PRKAA2: variants seen among roughly 807,000 people sequenced by gnomAD.
PRKAA2 encodes the protein protein kinase AMP-activated catalytic subunit alpha 2.
PRKAA2 carries 40 observed loss-of-function variants against 56.3 expected under a neutral mutation model. The ratio of observed to expected loss-of-function variants is 0.71; its 90% CI spans 0.55 to 0.92. PRKAA2 has a LOEUF of 0.92. Ranked by LOEUF, PRKAA2 falls within the 40% of genes least tolerant of loss-of-function variation. The pLI is 0.00. For missense variants in PRKAA2, 542 were observed against 686.9 expected (o/e 0.79, Z 2.36); for synonymous variants, 214 against 234.2 (o/e 0.91, Z 0.79).
chr1:56,699,013 T>C (rs1209954822), intron 6 of PRKAA2, among the ~76,000 whole-genome samples: 3 of 152,184 alleles, frequency 2.0e-5, no homozygotes, highest in Non-Finnish European at 4.4e-5. Flanking sequence ...AGTGCATCTG[T>C]TTATTAGCTA....
At chr1:56,703,766 G>T (rs1251845786) in intron 6 of PRKAA2, among the ~76,000 whole-genome samples, 1 of 152,168 alleles carries the variant, frequency 6.6e-6, no homozygotes, top group Non-Finnish European at 1.5e-5. Flanking sequence ...TTGAGAAAAT[G>T]TTGTCCAAAT....
intron 2 of PRKAA2, among the ~76,000 whole-genome samples, chr1:56,676,600 C>T (rs1442204128): frequency 1.3e-5 from 2 of 152,108 alleles, no homozygotes; most frequent in African/African-American, 4.8e-5. Flanking sequence ...TGTTTTAAGC[C>T]ACTGAGTTTG....
At position 56,703,912 on chromosome 1, in the gene PRKAA2, A is replaced by C; in HGVS notation, c.789-59A>C. ...TATTCTATTATATTGCCCTATGTCT[A>C]AATTATTTGGACTTGCCAAACCATG... is the stretch of plus-strand genomic sequence containing the variant. On this transcript the variant is annotated intron_variant, in intron 6 of 8. Transcript: ENST00000371244. 4 of 1,491,952 alleles carry C rather than the reference A, an allele frequency of 2.7e-6. No homozygotes were observed. In the South Asian group the frequency reaches 5.3e-5, roughly 20 times the overall value. The allele number at this position is 1,491,952 out of a possible 1,614,324, so 92.4% of individuals were successfully genotyped here.
At chr1:56,655,280 A>ATATATATATATATATTTTTT in intron 1 of PRKAA2, among the ~76,000 whole-genome samples, 3 of 93,648 alleles carry the variant, frequency 3.2e-5, no homozygotes, top group African/African-American at 1.4e-4. Context: ...ATATATATAT[A>ATATATATATATATATTTTTT]TTTTTTTTTT....
intron 1 of PRKAA2, among the ~76,000 whole-genome samples, chr1:56,659,313 T>C (rs1643974308): frequency 6.6e-6 from 1 of 151,488 alleles, no homozygotes; most frequent in South Asian, 2.1e-4. Flanking sequence ...CCGGCCAAGA[T>C]GGCAAAACCC....
chr1:56,706,617 A>C (rs779082833), intron 8 of PRKAA2, among the ~76,000 whole-genome samples: 2 of 152,228 alleles, frequency 1.3e-5, no homozygotes, highest in Non-Finnish European at 2.9e-5. Flanking sequence ...CTGGGTGGCC[A>C]GGGCGACCAA....
intron 2 of PRKAA2, among the ~76,000 whole-genome samples, chr1:56,686,881 CTCT>C (rs1221229498): frequency 5.2e-5 from 3 of 58,064 alleles, no homozygotes; most frequent in Non-Finnish European, 8.9e-5. Context: ...AACCTAAATA[CTCT>C]TTTTTTTTTT....
chr1:56,683,521 A>G (rs1262312394), intron 2 of PRKAA2, among the ~76,000 whole-genome samples: 3 of 152,156 alleles, frequency 2.0e-5, no homozygotes, highest in Admixed American at 6.5e-5. Context: ...CCATTCATTC[A>G]ACAGATGACA....
intron 6 of PRKAA2, among the ~76,000 whole-genome samples, chr1:56,699,569 T>A (rs965168244): frequency 6.6e-6 from 1 of 152,216 alleles, no homozygotes; most frequent in African/African-American, 2.4e-5. Context: ...CAAATTTAGA[T>A]TGTTTCCTTA....
intron 2 of PRKAA2, among the ~76,000 whole-genome samples, chr1:56,678,933 A>T (rs1401677076): frequency 2.6e-5 from 4 of 152,114 alleles, no homozygotes; most frequent in Non-Finnish European, 4.4e-5. Context: ...TGACTTCGTG[A>T]TCTGCCCACC....
At chr1:56,661,246 C>T (rs2746347) in intron 1 of PRKAA2, among the ~76,000 whole-genome samples, 24,590 of 151,998 alleles carry the variant, frequency 0.16, 2,322 homozygotes, top group South Asian at 0.26. Flanking sequence ...GCATCTTTTA[C>T]GTAAATTCTC....
intron 1 of PRKAA2, among the ~76,000 whole-genome samples, chr1:56,646,016 A>T (rs1334866359): frequency 2.6e-5 from 4 of 152,174 alleles, no homozygotes; most frequent in African/African-American, 9.7e-5. Flanking sequence ...TAGGACCCCT[A>T]GAGATGTAGT....
At position 56,692,444 on chromosome 1, in the gene PRKAA2, C is replaced by T. The variant is rs750469146; in HGVS notation, c.417C>T (p.Asp139=). ...ATAGGCATATGGTTGTTCATCGAGA[C>T]CTGAAACCAGAGAATGTCCTGTTGG... is the stretch of plus-strand genomic sequence containing the variant. ...YCHRHMVVHR[D]LKPENVLLDA... Residue 139 remains aspartate (D), a synonymous_variant, in exon 4 of 9, where the codon GAC becomes GAT. Transcript: ENST00000371244. 1 of 1,613,964 alleles carries T rather than the reference C, an allele frequency of 6.2e-7. No individual in the cohort carries two copies. The highest frequency in any genetic ancestry group is 1.3e-5 in the African/African-American group (1 of 74,916).
rs1325443113 is a variant in PRKAA2, at chr1:56,714,957, T to C, written c.*7244T>C. On this transcript the variant is annotated 3_prime_UTR_variant, in exon 9 of 9. Transcript: ENST00000371244. ...TGATACATTGACCCATTGAAGTACT[T>C]CATTACGTATTTATTGAAAATTTTT... 1.3e-5 allele frequency: 2 copies of C among 152,160 alleles called. No homozygotes were observed. Among genetic ancestry groups the C allele is most frequent in the African/African-American group, 4.8e-5 (2 of 41,450 alleles). The allele number at this position is 152,160 out of a possible 1,614,324, so 9.4% of individuals were successfully genotyped here.
intron 2 of PRKAA2, among the ~76,000 whole-genome samples, chr1:56,676,798 A>G (rs571884869): frequency 2.0e-5 from 3 of 152,294 alleles, no homozygotes; most frequent in African/African-American, 4.8e-5. Context: ...CGGCAGCAAG[A>G]GTATGCCACT....
rs1288062673 is a variant in PRKAA2 at position 56,710,643 on chromosome 1, G to T, written c.*2930G>T. 6.6e-6 allele frequency: 1 copy of T among 152,070 alleles called. No individual in the cohort carries two copies. Among genetic ancestry groups the T allele is most frequent in the African/African-American group, 2.4e-5 (1 of 41,408 alleles). 9.4% of individuals were successfully genotyped at this position (152,070 alleles called of 1,614,324 possible). On this transcript the variant is annotated 3_prime_UTR_variant, in exon 9 of 9. Transcript: ENST00000371244. ...GTTTTAACTTGCAGACATGTTCATC[G>T]TGAGTGAATGCTGGATTAAATAGAA...
intron 2 of PRKAA2, among the ~76,000 whole-genome samples, chr1:56,677,500 T>G (rs1433768665): frequency 6.6e-6 from 1 of 152,214 alleles, no homozygotes; most frequent in Non-Finnish European, 1.5e-5. Flanking sequence ...TCATCACTTT[T>G]ACAATGCCAA....
chr1:56,681,914 G>A (rs945604469), intron 2 of PRKAA2, among the ~76,000 whole-genome samples: 1 of 152,094 alleles, frequency 6.6e-6, no homozygotes, highest in East Asian at 1.9e-4. Context: ...TAGTTTGATG[G>A]GGATGGCATT....
At position 56,708,791 on chromosome 1, in the gene PRKAA2, A is replaced by T. The variant is rs1644350356; in HGVS notation, c.*1078A>T. 6.6e-6 allele frequency: 1 copy of T among 152,162 alleles called. No individual in the cohort carries two copies. 9.4% of individuals were successfully genotyped at this position (152,162 alleles called of 1,614,324 possible). ...TCTTTTCTAGTCCAAGTTTGAAAAC[A>T]CTGTTCTGGCCCTAAGGGCTGGCTA... On this transcript the variant is annotated 3_prime_UTR_variant, in exon 9 of 9. Coordinates refer to ENST00000371244, the MANE Select transcript of PRKAA2 (RefSeq NM_006252.4).
Sources: gnomAD v4.1 joint callset for allele counts (sites outside exome capture counted in the v4.1 genomes callset) on GRCh38, gnomAD v4.1.1 for gene constraint, MANE v1.5 for transcripts, NCBI Gene and HGNC (gene_info 2026-07-23, HGNC 2026-07-21) for gene names.